Variants in IQSEC1 observed in about 807,000 individuals in gnomAD.
IQSEC1 encodes IQ motif and Sec7 domain ArfGEF 1, also known as IQ motif and SEC7 domain-containing protein 1.
Under a neutral mutation model 91.0 loss-of-function variants are expected in IQSEC1, and 31 were observed. That is an observed-to-expected ratio of 0.34 (90% CI 0.26 to 0.46). The LOEUF (loss-of-function observed/expected upper bound fraction) is 0.46. IQSEC1 is among the 20% of genes least tolerant of loss of function. IQSEC1 has a pLI of 1.00. For synonymous variants in IQSEC1, 699 were observed against 662.6 expected, an observed-to-expected ratio of 1.05 and a Z score of -0.84; for missense variants, 1,388 against 1,575.6, an observed-to-expected ratio of 0.88 and a Z score of 2.02.
At position 12,924,690 on chromosome 3, in the gene IQSEC1, T is replaced by TGTC. The variant is rs775647221; in HGVS notation, c.1618_1620dup (p.Asp540dup). The TGTC allele has an allele frequency of 1.2e-6, 2 of 1,608,318 alleles. No homozygotes were observed. Among genetic ancestry groups the TGTC allele is most frequent in the Non-Finnish European group, 1.7e-6 (2 of 1,177,014 alleles). The stretch of plus-strand genomic sequence containing the variant: ...AGGAAGTGGGCCACCCCGACGGGCG[T>TGTC]GTCGGGCACAAAGCCACGCTCGATG... On this transcript the variant is annotated inframe_insertion, in exon 4 of 14. Transcript: ENST00000613206. The surrounding 1 kb of genome is among the most constrained non-coding windows in gnomAD (Gnocchi z 6.3).
chr3:13,208,149 A>G (rs1694377466), intron 1 of IQSEC1, among the ~76,000 whole-genome samples: 1 of 150,394 alleles, frequency 6.6e-6, no homozygotes, highest in Admixed American at 6.7e-5. Flanking sequence ...CAAAACAATG[A>G]GCGACAAGAC....
chr3:13,022,375 G>T, intron 1 of IQSEC1: 1 of 1,151,684 alleles, frequency 8.7e-7, no homozygotes, highest in African/African-American at 1.6e-5. Context: ...TCCTGGCCAA[G>T]CGGCCCTCAC....
rs529371966 is a variant in IQSEC1, at chr3:12,977,463, TG to T, written c.24-35599del. ...ACTGGGGCTTATCTGCATATGAAAA[TG>T]GGTGGAGAAACTGAGGGAATCTAGA... is the stretch of plus-strand genomic sequence containing the variant. On this transcript the variant is annotated intron_variant, in intron 1 of 13. Coordinates refer to ENST00000613206, the MANE Select transcript of IQSEC1 (RefSeq NM_001134382.3). Among the ~76,000 whole-genome samples, 266 of 152,074 alleles carry T rather than the reference TG, an allele frequency of 1.7e-3. 1 individual carries two copies. The highest frequency in any genetic ancestry group is 6.1e-3 in the African/African-American group (254 of 41,482).
chr3:13,059,932 T>C (rs1354778338), intron 1 of IQSEC1, among the ~76,000 whole-genome samples: 2 of 152,166 alleles, frequency 1.3e-5, no homozygotes, highest in African/African-American at 2.4e-5. Flanking sequence ...TTGGGTATGC[T>C]CAGGGTTGCT....
intron 1 of IQSEC1, among the ~76,000 whole-genome samples, chr3:13,238,336 G>T (rs1387157023): frequency 6.6e-6 from 1 of 152,102 alleles, no homozygotes; most frequent in Non-Finnish European, 1.5e-5. Context: ...TCCTCCCCTT[G>T]CACTTCTCTT....
chr3:12,968,442 T>C (rs1483753895), intron 1 of IQSEC1, among the ~76,000 whole-genome samples: 2 of 152,134 alleles, frequency 1.3e-5, no homozygotes, highest in Non-Finnish European at 2.9e-5. Context: ...TAGAGTTCTT[T>C]AGTGATAGTT....
In IQSEC1 at chr3:13,166,670, A is replaced by G. The variant is rs149292741; in HGVS notation, c.273-2537T>C. On this transcript the variant is annotated intron_variant, in intron 1 of 15. Transcript: ENST00000648114. ...GATGAATAAAGCTGCTTCTCTCACC[A>G]CCTACCCGAGGTGTGGTTTGAGGAT... 4.4e-3 allele frequency among the ~76,000 whole-genome samples: 675 copies of G among 152,306 alleles called. 10 individuals carry two copies. The highest frequency in any genetic ancestry group is 0.014 in the African/African-American group (580 of 41,570).
chr3:13,127,900 G>C (rs1386939194), intron 2 of IQSEC1, among the ~76,000 whole-genome samples: 4 of 152,184 alleles, frequency 2.6e-5, no homozygotes, highest in Admixed American at 6.5e-5. Flanking sequence ...TTATGCAGAA[G>C]AATCTAATTT....
intron 1 of IQSEC1, among the ~76,000 whole-genome samples, chr3:12,966,893 A>G (rs1456955274): frequency 6.6e-6 from 1 of 152,090 alleles, no homozygotes; most frequent in Non-Finnish European, 1.5e-5. Flanking sequence ...CAATGTCTGG[A>G]ATAGACAGGC....
At chr3:13,112,838 A>G (rs1576255731) in intron 2 of IQSEC1, among the ~76,000 whole-genome samples, 1 of 152,366 alleles carries the variant, frequency 6.6e-6, no homozygotes, top group East Asian at 1.9e-4. Context: ...GGAGGCTCCC[A>G]CGAGTGGAAG....
In IQSEC1 at chr3:12,941,762, G is replaced by C. The variant is rs758231467; in HGVS notation, c.127C>G (p.His43Asp). The change falls in exon 2 of 14, where the codon CAC becomes GAC. Residue 43 changes from histidine (H) to aspartate (D), a missense_variant. Physicochemically the swap from His to Asp is moderately conservative, Grantham distance 81. Coordinates refer to ENST00000613206, the MANE Select transcript of IQSEC1 (RefSeq NM_001134382.3). ...LVPGSSLSPD[H>D]YEHTSVGAYG... The stretch of plus-strand genomic sequence containing the variant: ...GCTCCCACTGACGTGTGCTCGTAGT[G>C]ATCCGGGCTCAGGCTGGAACCGGGC... The C allele has an allele frequency of 1.2e-6, 2 of 1,612,240 alleles. No individual in the cohort carries two copies. The highest frequency in any genetic ancestry group is 1.7e-6 in the Non-Finnish European group (2 of 1,179,936).
At chr3:12,906,895 C>T (rs1423763859) in intron 12 of IQSEC1, among the ~76,000 whole-genome samples, 1 of 152,196 alleles carries the variant, frequency 6.6e-6, no homozygotes, top group Non-Finnish European at 1.5e-5. Context: ...TGCAGAGGCC[C>T]AAAGCAGTCC....
At chr3:13,015,547 C>T (rs1703084207) in intron 1 of IQSEC1, 11 of 985,352 alleles carry the variant, frequency 1.1e-5, no homozygotes, top group Non-Finnish European at 9.6e-6. Flanking sequence ...CTGCTGAGGT[C>T]CCCTCCCCGG....
intron 1 of IQSEC1, among the ~76,000 whole-genome samples, chr3:13,176,118 C>T (rs1050910373): frequency 3.3e-5 from 5 of 152,184 alleles, no homozygotes; most frequent in South Asian, 2.1e-4. Context: ...GAGAGCTCCA[C>T]GTTGCTCTCC....
At position 12,956,589 on chromosome 3, in the gene IQSEC1, A is replaced by G. The variant is rs188782640; in HGVS notation, c.24-14724T>C. ...GGGTTAGAATATAATTTTCAAAGCCATCTGATACCTGGTGTTTATTCCAAA... is the reference window on the plus strand; with the variant it reads ...GGGTTAGAATATAATTTTCAAAGCCGTCTGATACCTGGTGTTTATTCCAAA... On this transcript the variant is annotated intron_variant, in intron 1 of 13. Transcript: ENST00000613206. Among the ~76,000 whole-genome samples the G allele has an allele frequency of 1.1e-4, 16 of 152,348 alleles. No homozygotes were observed. The East Asian group carries it at 3.1e-3, about 29-fold the overall frequency.
intron 3 of IQSEC1, among the ~76,000 whole-genome samples, chr3:12,925,566 G>A (rs1327018897): frequency 1.3e-5 from 2 of 152,238 alleles, no homozygotes; most frequent in Non-Finnish European, 2.9e-5. Flanking sequence ...TGATGAAGGT[G>A]CAGGAAGGCA....
At chr3:13,024,281 A>G (rs1441483572) in intron 1 of IQSEC1, among the ~76,000 whole-genome samples, 2 of 152,032 alleles carry the variant, frequency 1.3e-5, no homozygotes, top group Admixed American at 6.6e-5. Flanking sequence ...ATATCCATCT[A>G]TCATCTTCCT....
intron 1 of IQSEC1, among the ~76,000 whole-genome samples, chr3:12,957,836 T>G (rs1220817588): frequency 6.6e-6 from 1 of 152,084 alleles, no homozygotes; most frequent in African/African-American, 2.4e-5. Context: ...CACACTAGAG[T>G]GGCACGTTTT....
chr3:13,005,529 C>G (rs887692269), intron 1 of IQSEC1, among the ~76,000 whole-genome samples: 1 of 151,622 alleles, frequency 6.6e-6, no homozygotes, highest in South Asian at 2.1e-4. Context: ...AGGCAGGAGG[C>G]GCCTGGACAA....
Sources: gnomAD v4.1 joint callset for allele counts (sites outside exome capture counted in the v4.1 genomes callset) on GRCh38, gnomAD v4.1.1 for gene constraint, Gnocchi (gnomAD v3.1) non-coding constraint, MANE v1.5 for transcripts, NCBI Gene and HGNC (gene_info 2026-07-23, HGNC 2026-07-21) for gene names.